Variants in TRAPPC9 observed in about 807,000 individuals in gnomAD.
TRAPPC9 encodes the protein trafficking protein particle complex subunit 9.
Under a neutral mutation model 124.0 loss-of-function variants are expected in TRAPPC9, and 83 were observed. The observed-to-expected ratio is 0.67, with a 90% CI of 0.56 to 0.80. TRAPPC9 has a LOEUF of 0.80. Ranked by LOEUF, TRAPPC9 falls within the 30% of genes least tolerant of loss-of-function variation. The pLI is 0.00. For synonymous variants in TRAPPC9, 638 were observed against 617.5 expected, an observed-to-expected ratio of 1.03 and a Z score of -0.49; for missense variants, 1,302 against 1,508.3, an observed-to-expected ratio of 0.86 and a Z score of 2.27.
At chr8:140,408,357 C>T (rs1055724882) in intron 5 of TRAPPC9, among the ~76,000 whole-genome samples, 2 of 152,076 alleles carry the variant, frequency 1.3e-5, no homozygotes, top group African/African-American at 4.8e-5. Flanking sequence ...TCATCATTCA[C>T]TAAAGAGATA....
chr8:139,830,811 G>A (rs1410382679), intron 21 of TRAPPC9, among the ~76,000 whole-genome samples: 3 of 152,236 alleles, frequency 2.0e-5, no homozygotes, highest in Non-Finnish European at 4.4e-5. Context: ...AGCCTCTCTG[G>A]ATCCCAGGCC....
chr8:139,770,707 A>G (rs1335558049), intron 21 of TRAPPC9, among the ~76,000 whole-genome samples: 1 of 152,228 alleles, frequency 6.6e-6, no homozygotes, highest in African/African-American at 2.4e-5. Context: ...AAGAAATTCA[A>G]TGACTTAAAA....
intron 16 of TRAPPC9, among the ~76,000 whole-genome samples, chr8:140,223,742 TA>T (rs56716646): frequency 0.2 from 29,454 of 144,618 alleles, 3,341 homozygotes; most frequent in East Asian, 0.56. Flanking sequence ...GTTCATAATT[TA>T]AAAAAAAAAA....
intron 17 of TRAPPC9, among the ~76,000 whole-genome samples, chr8:140,028,795 T>C (rs1369902020): frequency 6.6e-6 from 1 of 151,988 alleles, no homozygotes; most frequent in Admixed American, 6.6e-5. Flanking sequence ...TTAGAATATA[T>C]GAGAATACAG....
intron 20 of TRAPPC9, chr8:139,904,964 T>G (rs1831254114): frequency 6.6e-6 from 1 of 152,258 alleles, no homozygotes; most frequent in Non-Finnish European, 1.5e-5. Flanking sequence ...AAGGCTATTA[T>G]CTGCTATTAA....
intron 11 of TRAPPC9, 135 bp downstream of exon 11, chr8:140,300,334 C>A: frequency 1.8e-6 from 2 of 1,094,242 alleles, no homozygotes; most frequent in Non-Finnish European, 2.8e-6. Flanking sequence ...CACACATATG[C>A]ATGCGTGCAC....
chr8:140,295,914 C>T (rs1184684868), intron 11 of TRAPPC9, among the ~76,000 whole-genome samples: 1 of 152,194 alleles, frequency 6.6e-6, no homozygotes, highest in East Asian at 1.9e-4. Context: ...TTGGCTGAAA[C>T]TTGCGTTATA....
intron 17 of TRAPPC9, among the ~76,000 whole-genome samples, chr8:140,035,030 G>GT (rs747515901): frequency 1.6e-4 from 25 of 152,226 alleles, no homozygotes; most frequent in Non-Finnish European, 3.1e-4. Flanking sequence ...GATGCTCACG[G>GT]TTTTTCCCCT....
chr8:140,331,950 A>G (rs1000029227), intron 9 of TRAPPC9, among the ~76,000 whole-genome samples: 1 of 152,228 alleles, frequency 6.6e-6, no homozygotes, highest in African/African-American at 2.4e-5. Context: ...GAACTATCAC[A>G]TGATCCAGCA....
chr8:139,987,456 C>T (rs953101287), intron 19 of TRAPPC9, among the ~76,000 whole-genome samples: 9 of 152,222 alleles, frequency 5.9e-5, no homozygotes, highest in Non-Finnish European at 8.8e-5. Context: ...TGTCTCATCG[C>T]GGTTTGGACT....
intron 16 of TRAPPC9, among the ~76,000 whole-genome samples, chr8:140,249,957 T>C (rs569666289): frequency 1.3e-5 from 2 of 152,206 alleles, no homozygotes; most frequent in African/African-American, 2.4e-5. Flanking sequence ...AGAACAAGAA[T>C]TTTCTGCTAC....
At chr8:139,896,031 C>T (rs1274883333) in intron 20 of TRAPPC9, among the ~76,000 whole-genome samples, 1 of 152,168 alleles carries the variant, frequency 6.6e-6, no homozygotes, top group Non-Finnish European at 1.5e-5. Context: ...GAAGCCATTC[C>T]AATAGCATAT....
At chr8:140,426,666 AT>A in intron 4 of TRAPPC9, 25 bp from the exon 5 acceptor site, 3 of 1,611,776 alleles carry the variant, frequency 1.9e-6, no homozygotes, top group Non-Finnish European at 1.7e-6. Flanking sequence ...AGATTATGGT[AT>A]TTTATTTGGA....
At chr8:140,420,045 C>T (rs1197728975) in intron 5 of TRAPPC9, among the ~76,000 whole-genome samples, 1 of 152,000 alleles carries the variant, frequency 6.6e-6, no homozygotes, top group Admixed American at 6.6e-5. Flanking sequence ...ATTGTGTTTC[C>T]ATATACTTGC....
chr8:140,312,598 G>A (rs550517367), intron 9 of TRAPPC9, among the ~76,000 whole-genome samples: 10 of 152,256 alleles, frequency 6.6e-5, no homozygotes, highest in Admixed American at 5.9e-4. Flanking sequence ...ACAAAGAGCA[G>A]GTAAGTAGCT....
At chr8:140,430,561 C>T (rs2070603791) in intron 4 of TRAPPC9, among the ~76,000 whole-genome samples, 2 of 152,206 alleles carry the variant, frequency 1.3e-5, no homozygotes, top group South Asian at 2.1e-4. Flanking sequence ...CTGCTGTGGC[C>T]CAGAGCCACC....
At chr8:139,976,457 G>A (rs1364074546) in intron 19 of TRAPPC9, among the ~76,000 whole-genome samples, 6 of 152,124 alleles carry the variant, frequency 3.9e-5, no homozygotes, top group African/African-American at 7.2e-5. Context: ...TTCTCTCACC[G>A]CTAAGAAAAA....
intron 21 of TRAPPC9, among the ~76,000 whole-genome samples, chr8:139,872,592 A>AT (rs1279392585): frequency 1.4e-5 from 2 of 141,418 alleles, no homozygotes; most frequent in Non-Finnish European, 3.1e-5. Flanking sequence ...AGACGGTTGC[A>AT]TAAGTGGATG....
rs998054901 is a variant in TRAPPC9 at position 140,451,927 on chromosome 8, C to T, written c.-10-544G>A. Among the ~76,000 whole-genome samples, 15 of 152,230 alleles carry T rather than the reference C, an allele frequency of 9.9e-5. No homozygotes were observed. In the East Asian group the frequency reaches 2.9e-3, roughly 29 times the overall value. ...CTTGAGGTCAGGAATTCGAGACCAG[C>T]CTGGCCAACATGGTGAAACCCCACC... On this transcript the variant is annotated intron_variant, in intron 1 of 22. Transcript: ENST00000438773.
Sources: gnomAD v4.1 joint callset for allele counts (sites outside exome capture counted in the v4.1 genomes callset) on GRCh38, gnomAD v4.1.1 for gene constraint, MANE v1.5 for transcripts, NCBI Gene and HGNC (gene_info 2026-07-23, HGNC 2026-07-21) for gene names.